Variants in UGGT2 observed in about 807,000 individuals in gnomAD.
UGGT2 encodes UDP-glucose glycoprotein glucosyltransferase 2, also known as UDP-glucose:glycoprotein glucosyltransferase 2.
In UGGT2, 180 loss-of-function variants were observed where a neutral mutation model predicts 192.1. The ratio of observed to expected loss-of-function variants is 0.94; its 90% CI spans 0.83 to 1.06. UGGT2 has a LOEUF of 1.06. Ranked by LOEUF, UGGT2 falls within the 50% of genes least tolerant of loss-of-function variation. The probability of loss-of-function intolerance (pLI) is 0.00; values close to 1 mark genes in which losing one functional copy is unlikely to be tolerated. For synonymous variants in UGGT2, 580 were observed against 591.0 expected, an observed-to-expected ratio of 0.98 and a Z score of 0.27; for missense variants, 1,849 against 1,795.7, an observed-to-expected ratio of 1.03 and a Z score of -0.54.
At chr13:95,993,025 C>T (rs545948341) in intron 7 of UGGT2, among the ~76,000 whole-genome samples, 1 of 152,290 alleles carries the variant, frequency 6.6e-6, no homozygotes, top group Admixed American at 6.5e-5. Context: ...AACCCAGGTG[C>T]CATCAATGGC....
At chr13:95,815,843 A>G (rs535947035) in intron 38 of UGGT2, among the ~76,000 whole-genome samples, 4 of 152,354 alleles carry the variant, frequency 2.6e-5, no homozygotes, top group African/African-American at 9.6e-5. Flanking sequence ...GTGGGAGGGT[A>G]TAATTCCCTG....
chr13:95,916,723 C>G (rs1005284234), intron 20 of UGGT2, among the ~76,000 whole-genome samples: 1 of 152,000 alleles, frequency 6.6e-6, no homozygotes. Flanking sequence ...CCTGATGGAG[C>G]TGAAAAACAC....
chr13:95,947,115 A>G lies in UGGT2; in HGVS notation c.1599T>C (p.Ala533=). ...TDDEVDGAND[A]GVALWRAFNY... ...TGAAAGCTCGCCAGAGAGCAACTCC[A>G]GCATCATTTGCTCCATCAACTTCAT... is the stretch of plus-strand genomic sequence containing the variant. Residue 533 remains alanine (A), a synonymous_variant, in exon 15 of 39, where the codon GCT becomes GCC. Transcript: ENST00000376747. 3 of 1,611,548 alleles carry G rather than the reference A, an allele frequency of 1.9e-6. No individual in the cohort carries two copies. The highest frequency in any genetic ancestry group is 2.5e-6 in the Non-Finnish European group (3 of 1,179,258).
At chr13:96,014,552 T>C (rs181453073) in intron 4 of UGGT2, among the ~76,000 whole-genome samples, 3 of 152,288 alleles carry the variant, frequency 2.0e-5, no homozygotes, top group Admixed American at 1.3e-4. Context: ...AATATAGAAA[T>C]GTTACTACTG....
At chr13:96,024,891 C>A (rs1053467267) in intron 2 of UGGT2, among the ~76,000 whole-genome samples, 1 of 152,102 alleles carries the variant, frequency 6.6e-6, no homozygotes, top group African/African-American at 2.4e-5. Flanking sequence ...TTGGGGTTGG[C>A]TGGAAGACTG....
chr13:95,989,666 T>C (rs1457479856), intron 8 of UGGT2: 2 of 291,822 alleles, frequency 6.9e-6, no homozygotes, highest in Non-Finnish European at 1.4e-5. Context: ...TTAGGACTTT[T>C]AATCAGTTAT....
chr13:95,827,186 T>C (rs1027673379), intron 38 of UGGT2, among the ~76,000 whole-genome samples: 1 of 152,194 alleles, frequency 6.6e-6, no homozygotes, highest in Admixed American at 6.6e-5. Context: ...TTTAAATATA[T>C]GACAAGATTC....
intron 38 of UGGT2, among the ~76,000 whole-genome samples, chr13:95,805,073 AC>A (rs1462068246): frequency 6.6e-6 from 1 of 152,028 alleles, no homozygotes; most frequent in Non-Finnish European, 1.5e-5. Flanking sequence ...ATATAAAGAA[AC>A]CCTGCAACTC....
rs747823179 is a variant in UGGT2 at position 96,031,840 on chromosome 13, T to A, written c.241+49A>T. The A allele has an allele frequency of 3.7e-6, 5 of 1,353,370 alleles. No homozygotes were observed. In the African/African-American group the frequency reaches 5.8e-5, roughly 16 times the overall value. The allele number at this position is 1,353,370 out of a possible 1,614,324, so 83.8% of individuals were successfully genotyped here. ...TTAAAAAATAATAAACATTACAATG[T>A]GTGTACATAAATACAAATCTTACAA... On this transcript the variant is annotated intron_variant, in intron 2 of 38. Coordinates refer to ENST00000376747, the MANE Select transcript of UGGT2 (RefSeq NM_020121.4).
At chr13:95,976,251 ATTTC>A in intron 10 of UGGT2, among the ~76,000 whole-genome samples, 1 of 152,204 alleles carries the variant, frequency 6.6e-6, no homozygotes, top group Non-Finnish European at 1.5e-5. Context: ...AGATGACAGG[ATTTC>A]TTTTTTATGA....
intron 2 of UGGT2, among the ~76,000 whole-genome samples, chr13:96,028,291 G>T (rs2052727010): frequency 6.6e-6 from 1 of 152,152 alleles, no homozygotes; most frequent in African/African-American, 2.4e-5. Context: ...TGGTTCTTGG[G>T]TAAAAGTAAC....
chr13:95,859,548 T>C lies in UGGT2; in HGVS notation c.3825+43A>G, dbSNP rs778984770. ...ACTTACAATGATACAAATAATTTAC[T>C]ATTCAAACATTAACCATTCTACAAA... On this transcript the variant is annotated intron_variant, in intron 33 of 38. Coordinates refer to ENST00000376747, the MANE Select transcript of UGGT2 (RefSeq NM_020121.4). 5 of 1,370,758 alleles carry C rather than the reference T, an allele frequency of 3.6e-6. No homozygotes were observed. In the Admixed American group the frequency reaches 9.3e-5, roughly 26 times the overall value. 84.9% of individuals were successfully genotyped at this position (1,370,758 alleles called of 1,614,324 possible).
intron 15 of UGGT2, among the ~76,000 whole-genome samples, chr13:95,946,028 A>C (rs926718978): frequency 4.0e-5 from 6 of 150,602 alleles, no homozygotes; most frequent in African/African-American, 1.2e-4. Flanking sequence ...ATGAAAAAAA[A>C]CTTCTATTTT....
intron 38 of UGGT2, among the ~76,000 whole-genome samples, chr13:95,804,548 A>G (rs1884213236): frequency 1.3e-5 from 2 of 152,214 alleles, no homozygotes; most frequent in Non-Finnish European, 2.9e-5. Context: ...TGATTTTATA[A>G]CATATTACAA....
chr13:95,983,396 T>C (rs926916398), intron 10 of UGGT2: 4 of 281,224 alleles, frequency 1.4e-5, no homozygotes, highest in Non-Finnish European at 2.8e-5. Flanking sequence ...AAGATACCAT[T>C]TGGCAGAATC....
chr13:96,010,178 C>T (rs910146788), intron 5 of UGGT2, among the ~76,000 whole-genome samples: 1 of 152,180 alleles, frequency 6.6e-6, no homozygotes, highest in Non-Finnish European at 1.5e-5. Context: ...TATAAAAACA[C>T]ATGCATGCAT....
rs2047894314 is a variant in UGGT2 at position 95,894,615 on chromosome 13, A to C, written c.2802T>G (p.Ser934=). 2 of 1,612,394 alleles carry C rather than the reference A, an allele frequency of 1.2e-6. No individual in the cohort carries two copies. Among genetic ancestry groups the C allele is most frequent in the Non-Finnish European group, 8.5e-7 (1 of 1,179,018 alleles). The change falls in exon 24 of 39, where the codon TCT becomes TCG. Residue 934 remains serine (S), a synonymous_variant. Transcript: ENST00000376747. Reference sequence around the variant, plus strand: ...CATATCGAGATGCACGCTTAGGCACAGAGGACATAAGGGCATCAACTTTCA... The same window carrying C: ...CATATCGAGATGCACGCTTAGGCACCGAGGACATAAGGGCATCAACTTTCA... The part of the protein sequence containing the change: ...FIMKVDALMS[S]VPKRASRYDV...
At chr13:95,836,965 AC>A in intron 37 of UGGT2, 120 bp downstream of exon 37, 1 of 831,924 alleles carries the variant, frequency 1.2e-6, no homozygotes, top group Non-Finnish European at 1.9e-6. Flanking sequence ...TGTGTAATAG[AC>A]TGAACAGCAG....
At chr13:95,985,973 T>TA (rs947049819) in intron 9 of UGGT2, among the ~76,000 whole-genome samples, 38 of 152,252 alleles carry the variant, frequency 2.5e-4, no homozygotes, top group African/African-American at 6.5e-4. Flanking sequence ...ACCTCCTACT[T>TA]AGAGTAATAC....
Sources: gnomAD v4.1 joint callset for allele counts (sites outside exome capture counted in the v4.1 genomes callset) on GRCh38, gnomAD v4.1.1 for gene constraint, MANE v1.5 for transcripts, NCBI Gene and HGNC (gene_info 2026-07-23, HGNC 2026-07-21) for gene names.